Variants in FSTL5 observed in about 807,000 individuals in gnomAD.
FSTL5 encodes the protein follistatin like 5, also known as follistatin-related protein 5.
In FSTL5, 62 loss-of-function variants were observed where a neutral mutation model predicts 89.1. That is an observed-to-expected ratio of 0.70 (90% CI 0.57 to 0.86). The LOEUF is 0.86. FSTL5 is among the 40% of genes least tolerant of loss of function. FSTL5 has a pLI of 0.00. For missense variants in FSTL5, 1,057 were observed against 1,001.6 expected, an observed-to-expected ratio of 1.06 and a Z score of -0.75; for synonymous variants, 383 against 346.2, an observed-to-expected ratio of 1.11 and a Z score of -1.18.
At chr4:161,586,322 G>A (rs937354492) in intron 8 of FSTL5, among the ~76,000 whole-genome samples, 11 of 152,006 alleles carry the variant, frequency 7.2e-5, no homozygotes, top group Admixed American at 7.2e-4. Flanking sequence ...CATTTTCATC[G>A]ATAATATAAT....
At position 161,385,204 on chromosome 4, in the gene FSTL5, C is replaced by G. The variant is rs1163262357; in HGVS notation, c.*543G>C. 6.5e-6 allele frequency: 1 copy of G among 152,918 alleles called. No homozygotes were observed. The highest frequency in any genetic ancestry group is 1.9e-4 in the East Asian group (1 of 5,194). 9.5% of individuals were successfully genotyped at this position (152,918 alleles called of 1,614,324 possible). A position where few individuals can be genotyped will look rare whatever the true frequency, so the allele number is the denominator to read the frequency against. ...TGGTGCAAGAGATGTTTTTTAACAACAAGAGATTTATAGTTATGAGAGCAT... is the reference window on the plus strand; with the variant it reads ...TGGTGCAAGAGATGTTTTTTAACAAGAAGAGATTTATAGTTATGAGAGCAT... On this transcript the variant is annotated 3_prime_UTR_variant, in exon 16 of 16. Transcript: ENST00000306100.
At chr4:161,526,242 T>C (rs1731215358) in intron 10 of FSTL5, among the ~76,000 whole-genome samples, 1 of 152,180 alleles carries the variant, frequency 6.6e-6, no homozygotes, top group African/African-American at 2.4e-5. Flanking sequence ...CCTTACTTTA[T>C]AGTAAGAAAT....
At chr4:161,656,982 T>C (rs529826563) in intron 6 of FSTL5, among the ~76,000 whole-genome samples, 3 of 152,296 alleles carry the variant, frequency 2.0e-5, no homozygotes, top group African/African-American at 7.2e-5. Flanking sequence ...GAAGTAAAAA[T>C]CTGAAGTTCG....
chr4:162,092,158 T>A (rs557948530), intron 2 of FSTL5, among the ~76,000 whole-genome samples: 41 of 152,206 alleles, frequency 2.7e-4, no homozygotes, highest in African/African-American at 9.6e-4. Context: ...TTTATAAATA[T>A]CCATGCTGGA....
chr4:161,789,009 T>C (rs890058525), intron 4 of FSTL5, among the ~76,000 whole-genome samples: 1 of 152,208 alleles, frequency 6.6e-6, no homozygotes, highest in Non-Finnish European at 1.5e-5. Context: ...AATTGTTTCT[T>C]ATTTCATTTA....
intron 3 of FSTL5, among the ~76,000 whole-genome samples, chr4:162,026,040 A>G (rs1261366035): frequency 6.6e-6 from 1 of 151,580 alleles, no homozygotes; most frequent in African/African-American, 2.4e-5. Flanking sequence ...GTGTCTGGAC[A>G]GACAAAGCAA....
intron 15 of FSTL5, among the ~76,000 whole-genome samples, chr4:161,425,165 C>T (rs1732127964): frequency 6.6e-6 from 1 of 152,162 alleles, no homozygotes; most frequent in Admixed American, 6.5e-5. Context: ...GCAAATAACA[C>T]ACTGCAAATG....
chr4:161,610,211 C>T (rs950372989), intron 7 of FSTL5, among the ~76,000 whole-genome samples: 2 of 152,060 alleles, frequency 1.3e-5, no homozygotes, highest in Non-Finnish European at 2.9e-5. Flanking sequence ...GTTGGCTTTA[C>T]TTCTTTCAGA....
intron 7 of FSTL5, among the ~76,000 whole-genome samples, chr4:161,601,438 T>TA (rs541269814): frequency 4.4e-4 from 67 of 151,514 alleles, no homozygotes; most frequent in African/African-American, 1.6e-3. Context: ...CCAGAAAATT[T>TA]AAAAAACCCT....
At chr4:161,389,583 C>T (rs1034898746) in intron 15 of FSTL5, among the ~76,000 whole-genome samples, 3 of 152,022 alleles carry the variant, frequency 2.0e-5, no homozygotes, top group African/African-American at 7.2e-5. Flanking sequence ...GCTTTCATTC[C>T]AAGCTAACTT....
chr4:162,080,135 G>A (rs895998296), intron 2 of FSTL5, among the ~76,000 whole-genome samples: 9 of 151,534 alleles, frequency 5.9e-5, no homozygotes, highest in African/African-American at 1.7e-4. Context: ...ACTGAGCAAC[G>A]TCTCTTGAAA....
At chr4:161,695,231 C>T (rs1238767905) in intron 6 of FSTL5, among the ~76,000 whole-genome samples, 1 of 151,912 alleles carries the variant, frequency 6.6e-6, no homozygotes, top group Admixed American at 6.6e-5. Context: ...CCCCGAGTCC[C>T]CAAAGTCCAT....
intron 6 of FSTL5, among the ~76,000 whole-genome samples, chr4:161,725,639 A>C (rs1345139265): frequency 6.6e-6 from 1 of 152,128 alleles, no homozygotes; most frequent in African/African-American, 2.4e-5. Context: ...GTAAAAAGAC[A>C]AGTTTTCAAT....
intron 6 of FSTL5, among the ~76,000 whole-genome samples, chr4:161,680,711 T>G (rs970034943): frequency 2.0e-5 from 3 of 151,536 alleles, no homozygotes; most frequent in Non-Finnish European, 4.4e-5. Context: ...TAAAATATAT[T>G]TTTTTATATG....
chr4:161,689,497 T>C (rs1330447349), intron 6 of FSTL5, among the ~76,000 whole-genome samples: 1 of 152,188 alleles, frequency 6.6e-6, no homozygotes, highest in African/African-American at 2.4e-5. Context: ...ATTTTTGATA[T>C]GTGGGATTCA....
At chr4:161,460,769 TC>T (rs1199863609) in intron 13 of FSTL5, among the ~76,000 whole-genome samples, 1 of 152,102 alleles carries the variant, frequency 6.6e-6, no homozygotes, top group Non-Finnish European at 1.5e-5. Flanking sequence ...ACCCCTTTTT[TC>T]CTCGCTAAGA....
intron 6 of FSTL5, among the ~76,000 whole-genome samples, chr4:161,685,559 G>A (rs1431472802): frequency 2.6e-5 from 4 of 152,092 alleles, no homozygotes; most frequent in Non-Finnish European, 5.9e-5. Context: ...TTGATTCTCA[G>A]CTTGGTCGCT....
intron 15 of FSTL5, among the ~76,000 whole-genome samples, chr4:161,402,351 T>C (rs1357785846): frequency 3.9e-5 from 6 of 152,300 alleles, no homozygotes; most frequent in East Asian, 1.9e-4. Flanking sequence ...TTAGACTAAT[T>C]CCTCCCTTGA....
intron 6 of FSTL5, among the ~76,000 whole-genome samples, chr4:161,724,208 C>CA (rs1183606051): frequency 2.0e-5 from 3 of 151,954 alleles, no homozygotes; most frequent in African/African-American, 7.2e-5. Flanking sequence ...AAAGAAAATG[C>CA]AAATGAAGAG....
Sources: allele counts gnomAD v4.1 joint callset (sites outside exome capture counted in the v4.1 genomes callset), GRCh38; gene constraint gnomAD v4.1.1; transcripts MANE v1.5; gene names NCBI Gene and HGNC (gene_info 2026-07-23, HGNC 2026-07-21).